The following LATS1 variants were observed in gnomAD, a reference collection of about 807,000 sequenced individuals.
LATS1 encodes serine/threonine-protein kinase LATS1.
LATS1 carries 25 observed loss-of-function variants against 106.6 expected under a neutral mutation model. That is an observed-to-expected ratio of 0.23 (90% CI 0.17 to 0.33). The LOEUF (loss-of-function observed/expected upper bound fraction) is 0.33. Among genes scored for constraint, LATS1 ranks in the 10% least tolerant of loss-of-function variants. The pLI, the probability that LATS1 is intolerant of heterozygous loss-of-function variation, is 1.00. For synonymous variants in LATS1, 465 were observed against 455.6 expected, an observed-to-expected ratio of 1.02 and a Z score of -0.26; for missense variants, 1,040 against 1,382.6, an observed-to-expected ratio of 0.75 and a Z score of 3.93.
intron 4 of LATS1, among the ~76,000 whole-genome samples, chr6:149,682,111 A>AG (rs1278750467): frequency 1.8e-5 from 1 of 54,692 alleles, no homozygotes; most frequent in African/African-American, 6.0e-5. Context: ...ATGTCGTCTC[A>AG]AAAAAAAAAA....
chr6:149,706,438 A>C (rs1783777285), intron 1 of LATS1, among the ~76,000 whole-genome samples: 1 of 151,726 alleles, frequency 6.6e-6, no homozygotes, highest in Admixed American at 6.6e-5. Flanking sequence ...TGAGCCCAGG[A>C]GGTAGAGGCT....
intron 1 of LATS1, among the ~76,000 whole-genome samples, chr6:149,707,205 G>A (rs1783833126): frequency 6.6e-6 from 1 of 151,742 alleles, no homozygotes; most frequent in Non-Finnish European, 1.5e-5. Flanking sequence ...TAGTAGAGAT[G>A]GGGTTTCACC....
At position 149,695,139 on chromosome 6, in the gene LATS1, T is replaced by A. The variant is rs928093475; in HGVS notation, c.431A>T (p.Gln144Leu). Reference protein sequence around the residue: ...AIEFISKMSYQDPRREQMAAA... With the variant: ...AIEFISKMSYLDPRREQMAAA... ...AGCCATCTGCTCTCGTCGAGGATCTTGGTAACTCATTTTACTAATGAATTC... is the reference window on the plus strand; with the variant it reads ...AGCCATCTGCTCTCGTCGAGGATCTAGGTAACTCATTTTACTAATGAATTC... Residue 144 changes from glutamine (Q) to leucine (L), a missense_variant, in exon 3 of 8, where the codon CAA becomes CTA. Physicochemically the swap from Gln to Leu is moderately radical, Grantham distance 113. Around this residue, in one of 7 missense-constraint regions of LATS1, gnomAD observed 624 missense variants for 714.8 expected, o/e 0.87. Transcript: ENST00000543571. The A allele has an allele frequency of 1.2e-6, 2 of 1,613,532 alleles. No individual in the cohort carries two copies. The highest frequency in any genetic ancestry group is 1.7e-6 in the Non-Finnish European group (2 of 1,179,636).
At chr6:149,678,214 G>A (rs186823556) in intron 5 of LATS1, among the ~76,000 whole-genome samples, 13 of 147,552 alleles carry the variant, frequency 8.8e-5, no homozygotes, top group African/African-American at 2.2e-4. Context: ...CGTGGTTGCC[G>A]GCGGCTGTAG....
intron 5 of LATS1, among the ~76,000 whole-genome samples, chr6:149,677,720 A>C (rs1781799912): frequency 6.6e-6 from 1 of 152,188 alleles, no homozygotes; most frequent in East Asian, 1.9e-4. Context: ...CTAGAATATA[A>C]GAAATTAACC....
rs145546331 is a variant in LATS1, at chr6:149,702,055, A to T, written c.72T>A (p.Thr24=). The T allele has an allele frequency of 9.3e-6, 15 of 1,614,156 alleles. No individual in the cohort carries two copies. The highest frequency in any genetic ancestry group is 1.3e-5 in the African/African-American group (1 of 75,050). The change falls in exon 2 of 8, where the codon ACT becomes ACA. Residue 24 remains threonine, a synonymous_variant. Transcript: ENST00000543571. ...RPKTFPASNY[T]VSSRQMLQEI... is the part of the protein sequence containing the mutation. ...CTTGTAACATTTGCCGGCTACTGACAGTATAGTTACTGGCAGGAAAGGTCT... is the reference window on the plus strand; with the variant it reads ...CTTGTAACATTTGCCGGCTACTGACTGTATAGTTACTGGCAGGAAAGGTCT...
intron 7 of LATS1, among the ~76,000 whole-genome samples, chr6:149,663,296 A>G (rs1780973275): frequency 6.6e-6 from 1 of 152,192 alleles, no homozygotes. Context: ...CAGCCTGGGC[A>G]ACATGGTGAA....
rs965070476 is a variant in LATS1 at position 149,676,353 on chromosome 6, C to A, written c.2790G>T (p.Leu930Phe). ...EVLLRTGYTQ[L>F]CDWWSVGVIL... ...TAACACCAACACTCCACCAATCACACAACTGTGTGTATCCTAAAATAACAA... is the reference window on the plus strand; with the variant it reads ...TAACACCAACACTCCACCAATCACAAAACTGTGTGTATCCTAAAATAACAA... The change falls in exon 7 of 8, where the codon TTG becomes TTT. Residue 930 changes from leucine (L) to phenylalanine (F), a missense_variant. Leu to Phe is a conservative substitution (Grantham distance 22). Coordinates refer to ENST00000543571, the MANE Select transcript of LATS1 (RefSeq NM_004690.4). The A allele has an allele frequency of 1.9e-6, 3 of 1,609,922 alleles. No homozygotes were observed. Among genetic ancestry groups the A allele is most frequent in the Non-Finnish European group, 2.5e-6 (3 of 1,176,700 alleles).
chr6:149,664,070 A>G (rs920356813), intron 7 of LATS1, among the ~76,000 whole-genome samples: 1 of 152,002 alleles, frequency 6.6e-6, no homozygotes, highest in East Asian at 1.9e-4. Context: ...TTGGCCTCCT[A>G]AAGTGCTATA....
At chr6:149,693,361 C>T (rs1782883968) in intron 3 of LATS1, among the ~76,000 whole-genome samples, 2 of 151,792 alleles carry the variant, frequency 1.3e-5, no homozygotes, top group Admixed American at 1.3e-4. Flanking sequence ...CCTGTAATCC[C>T]AGCACTTTGG....
chr6:149,686,803 C>T (rs1363284660), intron 3 of LATS1, among the ~76,000 whole-genome samples: 1 of 152,188 alleles, frequency 6.6e-6, no homozygotes, highest in Non-Finnish European at 1.5e-5. Flanking sequence ...AGCATTCAGT[C>T]TACCCTAAGC....
Position 149,684,388 on chromosome 6 carries a change from A to C in LATS1, c.701T>G (p.Val234Gly), listed in dbSNP as rs762220911. The C allele has an allele frequency of 5.6e-6, 9 of 1,613,532 alleles. No individual in the cohort carries two copies. The highest frequency in any genetic ancestry group is 5.9e-6 in the Non-Finnish European group (7 of 1,179,894). The part of the protein sequence containing the change: ...VQAHPSNGQR[V>G]NPPPPPQVRS... ...TACTTGAGGTGGTGGTGGGGGGTTC[A>C]CTCTCTGTCCGTTGCTAGGGTGAGC... is the stretch of plus-strand genomic sequence containing the variant. The change falls in exon 4 of 8, where the codon GTG becomes GGG. Residue 234 changes from valine to glycine, a missense_variant. Val to Gly is a moderately radical substitution (Grantham distance 109). Coordinates refer to ENST00000543571, the MANE Select transcript of LATS1 (RefSeq NM_004690.4).
At chr6:149,688,428 C>T (rs1782529118) in intron 3 of LATS1, among the ~76,000 whole-genome samples, 1 of 152,046 alleles carries the variant, frequency 6.6e-6, no homozygotes, top group Non-Finnish European at 1.5e-5. Flanking sequence ...CCTGCCTCAG[C>T]CTCCCAAGTA....
intron 1 of LATS1, among the ~76,000 whole-genome samples, chr6:149,714,807 T>C (rs1042698453): frequency 7.2e-5 from 11 of 152,200 alleles, no homozygotes; most frequent in African/African-American, 2.7e-4. Flanking sequence ...AGATTCTGAA[T>C]GTGAATAAGG....
chr6:149,676,254 C>A lies in LATS1; in HGVS notation c.2883+6G>T. The A allele has an allele frequency of 6.3e-7, 1 of 1,580,126 alleles. No individual in the cohort carries two copies. The highest frequency in any genetic ancestry group is 8.7e-7 in the Non-Finnish European group (1 of 1,149,122). On this transcript the variant is annotated splice_donor_region_variant and intron_variant, in intron 7 of 7. Coordinates refer to ENST00000543571, the MANE Select transcript of LATS1 (RefSeq NM_004690.4). Reference sequence around the variant, plus strand: ...GAATTCTTTTGATATAGATGCCATACCTTACCTTCATTTGTGTTTCTAATG... The same window carrying A: ...GAATTCTTTTGATATAGATGCCATAACTTACCTTCATTTGTGTTTCTAATG...
At chr6:149,684,985 C>T (rs1298355245) in intron 3 of LATS1, among the ~76,000 whole-genome samples, 1 of 152,108 alleles carries the variant, frequency 6.6e-6, no homozygotes, top group Admixed American at 6.6e-5. Context: ...CCTGTAATCC[C>T]AGCACTTTGG....
At chr6:149,681,899 C>T (rs1449379168) in intron 4 of LATS1, among the ~76,000 whole-genome samples, 1 of 151,912 alleles carries the variant, frequency 6.6e-6, no homozygotes, top group Non-Finnish European at 1.5e-5. Context: ...TGGGTCATGG[C>T]GTCAAGAGAT....
intron 7 of LATS1, among the ~76,000 whole-genome samples, chr6:149,662,715 AC>A (rs1780936915): frequency 1.3e-5 from 2 of 152,044 alleles, no homozygotes; most frequent in Admixed American, 1.3e-4. Flanking sequence ...TAATCCCAGC[AC>A]CCTGGGAGGC....
intron 7 of LATS1, among the ~76,000 whole-genome samples, chr6:149,669,129 GGATT>G (rs887150277): frequency 7.9e-5 from 12 of 151,562 alleles, no homozygotes; most frequent in East Asian, 5.8e-4. Flanking sequence ...GGCTGGATAA[GGATT>G]GATTGATTGA....
Sources: allele counts gnomAD v4.1 joint callset (sites outside exome capture counted in the v4.1 genomes callset), GRCh38; gene constraint gnomAD v4.1.1; regional missense constraint gnomAD v4.1.1; transcripts MANE v1.5; gene names NCBI Gene and HGNC (gene_info 2026-07-23, HGNC 2026-07-21).